The following RAB11FIP4 variants were observed in gnomAD, a reference collection of about 807,000 sequenced individuals.
RAB11FIP4 encodes the protein RAB11 family interacting protein 4, also known as rab11 family-interacting protein 4.
Under a neutral mutation model 74.3 loss-of-function variants are expected in RAB11FIP4, and 23 were observed. That is an observed-to-expected ratio of 0.31 (90% confidence interval 0.22 to 0.44). The LOEUF (loss-of-function observed/expected upper bound fraction) is 0.44, where lower values mean the gene tolerates loss of function less well. Among genes scored for constraint, RAB11FIP4 ranks in the 20% least tolerant of loss-of-function variants. RAB11FIP4 has a pLI of 1.00. For missense variants in RAB11FIP4, 630 were observed against 863.9 expected (o/e 0.73, Z 3.39); for synonymous variants, 360 against 359.9 (o/e 1.00, Z 0.00).
intron 3 of RAB11FIP4, among the ~76,000 whole-genome samples, chr17:31,445,560 ATATATATATATATATATAT>A (rs2071448979): frequency 6.9e-5 from 1 of 14,456 alleles, no homozygotes; most frequent in Non-Finnish European, 1.6e-4. Context: ...ATATATATAT[ATATATATATATATATATAT>A]TTTTTTTTTT....
intron 3 of RAB11FIP4, among the ~76,000 whole-genome samples, chr17:31,511,259 A>G (rs882544): frequency 0.69 from 105,168 of 151,970 alleles, 37,018 homozygotes; most frequent in African/African-American, 0.83. Flanking sequence ...CCTTAACGCC[A>G]CCCCGCGCCT....
chr17:31,391,950 A>G lies in RAB11FIP4; in HGVS notation c.98A>G (p.Asp33Gly). Residue 33 changes from aspartate (D) to glycine (G), a missense_variant, in exon 1 of 15, where the codon GAC becomes GGC. Transcript: ENST00000621161. ...TTCGAGGTGTGCGGCCGCGACCCCG[A>G]CGGCTTCCTGCGCGTGGAGCGCGTC... Reference protein sequence around the residue: ...EVFEVCGRDPDGFLRVERVAA... With the variant: ...EVFEVCGRDPGGFLRVERVAA... The G allele has an allele frequency of 7.2e-7, 1 of 1,384,728 alleles. No individual in the cohort carries two copies. Among genetic ancestry groups the G allele is most frequent in the Non-Finnish European group, 9.4e-7 (1 of 1,065,516 alleles). The allele number at this position is 1,384,728 out of a possible 1,614,324, so 85.8% of individuals were successfully genotyped here.
Position 31,517,848 on chromosome 17 carries a change from A to G in RAB11FIP4, c.534A>G (p.Gly178=). Residue 178 remains glycine (G), a synonymous_variant, in exon 4 of 15, where the codon GGA becomes GGG. Transcript: ENST00000621161. The stretch of plus-strand genomic sequence containing the variant: ...GGAGTCCTGCCGAGAAGGACGGGGG[A>G]CTTGGGGGCCTGTTTCTGCCAGAAG... ...SVGSPAEKDG[G]LGGLFLPEDK... is the part of the protein sequence containing the mutation. The G allele has an allele frequency of 6.4e-7, 1 of 1,551,442 alleles. No individual in the cohort carries two copies. The highest frequency in any genetic ancestry group is 8.7e-7 in the Non-Finnish European group (1 of 1,146,942).
chr17:31,532,057 G>A lies in RAB11FIP4; in HGVS notation c.*325G>A, dbSNP rs904090310. ...ACAAGAACTGGAAGCTCGTGTTTCC[G>A]GTACTGGGTAAAATGATTCTACCTC... On this transcript the variant is annotated 3_prime_UTR_variant, in exon 15 of 15. Transcript: ENST00000621161. The A allele has an allele frequency of 1.4e-4, 36 of 259,472 alleles. 1 individual carries two copies. Among genetic ancestry groups the A allele is most frequent in the South Asian group, 4.8e-4 (7 of 14,464 alleles). 16.1% of individuals were successfully genotyped at this position (259,472 alleles called of 1,614,324 possible).
intron 2 of RAB11FIP4, 34 bp from the exon 3 acceptor site, chr17:31,434,000 C>T (rs1330203917): frequency 1.3e-6 from 2 of 1,554,512 alleles, no homozygotes; most frequent in Admixed American, 1.9e-5. Context: ...AGGCTCAACC[C>T]CTCACTGTCC....
chr17:31,434,446 G>A (rs750230489), intron 3 of RAB11FIP4, among the ~76,000 whole-genome samples: 2 of 152,120 alleles, frequency 1.3e-5, no homozygotes, highest in African/African-American at 2.4e-5. Context: ...CTGCACCATC[G>A]CTCTCTGAGC....
intron 1 of RAB11FIP4, among the ~76,000 whole-genome samples, chr17:31,421,623 C>T (rs2071200626): frequency 2.0e-5 from 3 of 148,266 alleles, no homozygotes. Context: ...ATAGCGCAAT[C>T]TCGGCTCACT....
chr17:31,499,300 G>A (rs918148622), intron 3 of RAB11FIP4, among the ~76,000 whole-genome samples: 2 of 152,182 alleles, frequency 1.3e-5, no homozygotes, highest in African/African-American at 4.8e-5. Flanking sequence ...TACTTCAGGG[G>A]AAAGTGGATG....
At chr17:31,511,263 C>T (rs1432580875) in intron 3 of RAB11FIP4, among the ~76,000 whole-genome samples, 4 of 152,152 alleles carry the variant, frequency 2.6e-5, no homozygotes, top group Non-Finnish European at 4.4e-5. Flanking sequence ...AACGCCACCC[C>T]GCGCCTCCTT....
chr17:31,394,407 A>G (rs2070907571), intron 1 of RAB11FIP4, among the ~76,000 whole-genome samples: 1 of 152,172 alleles, frequency 6.6e-6, no homozygotes, highest in Non-Finnish European at 1.5e-5. Flanking sequence ...ATTTGACCCC[A>G]AAATGTCCAT....
chr17:31,492,210 C>G (rs2072022451), intron 3 of RAB11FIP4, among the ~76,000 whole-genome samples: 1 of 152,234 alleles, frequency 6.6e-6, no homozygotes, highest in Admixed American at 6.5e-5. Flanking sequence ...CTCTTCACTC[C>G]CTCTGCCTGT....
chr17:31,403,748 T>C (rs1285205265), intron 1 of RAB11FIP4, among the ~76,000 whole-genome samples: 1 of 152,260 alleles, frequency 6.6e-6, no homozygotes, highest in Non-Finnish European at 1.5e-5. Context: ...TGTCAGGTTC[T>C]AAAGCTGCCT....
intron 3 of RAB11FIP4, among the ~76,000 whole-genome samples, chr17:31,504,860 G>C (rs1232748049): frequency 6.6e-6 from 1 of 152,136 alleles, no homozygotes; most frequent in Non-Finnish European, 1.5e-5. Context: ...ACAGTGGTTT[G>C]CAAAGTGTGG....
chr17:31,456,394 A>T (rs2071579002), intron 3 of RAB11FIP4, among the ~76,000 whole-genome samples: 1 of 152,132 alleles, frequency 6.6e-6, no homozygotes. Flanking sequence ...TTTTGTAGAG[A>T]CGGGCTTTCA....
intron 7 of RAB11FIP4, chr17:31,522,951 C>G (rs1216274336): frequency 5.7e-6 from 1 of 175,112 alleles, no homozygotes; most frequent in Non-Finnish European, 1.2e-5. Flanking sequence ...GGGGATGTCA[C>G]TGGGGGTGGC....
At chr17:31,496,460 A>G (rs992241952) in intron 3 of RAB11FIP4, among the ~76,000 whole-genome samples, 1 of 152,198 alleles carries the variant, frequency 6.6e-6, no homozygotes, top group Non-Finnish European at 1.5e-5. Flanking sequence ...TGGCCTTCCC[A>G]AGGGAGCAGA....
chr17:31,527,598 A>G, intron 10 of RAB11FIP4: 1 of 477,934 alleles, frequency 2.1e-6, no homozygotes. Context: ...TGTCTCAAAA[A>G]AAAAAGAAAG....
intron 1 of RAB11FIP4, among the ~76,000 whole-genome samples, chr17:31,423,489 T>C (rs2071219117): frequency 6.6e-6 from 1 of 152,232 alleles, no homozygotes; most frequent in Non-Finnish European, 1.5e-5. Context: ...TACCTTAGCT[T>C]CCTAAAGCCT....
At chr17:31,393,929 G>T (rs948445616) in intron 1 of RAB11FIP4, among the ~76,000 whole-genome samples, 1 of 152,042 alleles carries the variant, frequency 6.6e-6, no homozygotes, top group African/African-American at 2.4e-5. Flanking sequence ...TTAGCCCCAA[G>T]ACCTCACACA....
Sources: gnomAD v4.1 joint callset for allele counts (sites outside exome capture counted in the v4.1 genomes callset) on GRCh38, gnomAD v4.1.1 for gene constraint, MANE v1.5 for transcripts, NCBI Gene and HGNC (gene_info 2026-07-23, HGNC 2026-07-21) for gene names.